HS2ST1: variants seen among roughly 807,000 people sequenced by gnomAD.
HS2ST1 encodes 2-O-sulfotransferase.
HS2ST1 carries 18 observed loss-of-function variants against 42.9 expected under a neutral mutation model. That is an observed-to-expected ratio of 0.42 (90% CI 0.29 to 0.62). The LOEUF (loss-of-function observed/expected upper bound fraction) is 0.62. Among genes scored for constraint, HS2ST1 ranks in the 20% least tolerant of loss-of-function variants. The pLI is 0.21. For synonymous variants in HS2ST1, 146 were observed against 152.9 expected (o/e 0.95, Z 0.33); for missense variants, 334 against 433.8 (o/e 0.77, Z 2.04).
chr1:86,967,103 C>G (rs1648070598), intron 1 of HS2ST1, among the ~76,000 whole-genome samples: 1 of 152,058 alleles, frequency 6.6e-6, no homozygotes, highest in Admixed American at 6.5e-5. Flanking sequence ...GTTGGTCAGG[C>G]TGGTCTCGAA....
intron 1 of HS2ST1, among the ~76,000 whole-genome samples, chr1:86,981,651 A>G (rs1221953426): frequency 6.6e-6 from 1 of 152,248 alleles, no homozygotes; most frequent in African/African-American, 2.4e-5. Flanking sequence ...CATGTCTCAC[A>G]TCCAGGACAC....
intron 2 of HS2ST1, among the ~76,000 whole-genome samples, chr1:87,081,063 A>G (rs1651674285): frequency 1.3e-5 from 2 of 152,224 alleles, no homozygotes; most frequent in Non-Finnish European, 2.9e-5. Context: ...TATATAAAGC[A>G]AATATTACTA....
chr1:86,964,203 A>G lies in HS2ST1; in HGVS notation c.124+49043A>G, dbSNP rs1422330118. Among the ~76,000 whole-genome samples the G allele has an allele frequency of 6.1e-4, 92 of 150,642 alleles. 1 individual carries two copies. The South Asian group carries it at 7.0e-3, about 12-fold the overall frequency. On this transcript the variant is annotated intron_variant, in intron 1 of 6. Coordinates refer to ENST00000370550, the MANE Select transcript of HS2ST1 (RefSeq NM_012262.4). ...CTCACTTCCCAGACGATGGGCGGCCAGGCAAAGACACTCCTCACTTCCCAG... is the reference window on the plus strand; with the variant it reads ...CTCACTTCCCAGACGATGGGCGGCCGGGCAAAGACACTCCTCACTTCCCAG...
chr1:86,932,958 A>G (rs986709360), intron 1 of HS2ST1, among the ~76,000 whole-genome samples: 6 of 152,340 alleles, frequency 3.9e-5, no homozygotes, highest in Admixed American at 6.5e-5. Context: ...TGGTTTCAGA[A>G]CCTTTTAAAA....
chr1:86,980,046 T>C (rs1648533682), intron 1 of HS2ST1, among the ~76,000 whole-genome samples: 1 of 152,236 alleles, frequency 6.6e-6, no homozygotes, highest in Admixed American at 6.5e-5. Context: ...AAAAGCTCAA[T>C]GTATTTGTTA....
rs1423094300 is a variant in HS2ST1 at position 87,054,579 on chromosome 1, A to G, written c.125-18355A>G. 5.3e-5 allele frequency among the ~76,000 whole-genome samples: 8 copies of G among 152,196 alleles called. No homozygotes were observed. In the South Asian group the frequency reaches 1.7e-3, roughly 32 times the overall value. ...CCTGTGTGAAGAAATGGCAAACTAT[A>G]TACCAGCTATTCATGCATTTCTTCC... is the stretch of plus-strand genomic sequence containing the variant. On this transcript the variant is annotated intron_variant, in intron 1 of 6. Coordinates refer to ENST00000370550, the MANE Select transcript of HS2ST1 (RefSeq NM_012262.4).
In HS2ST1 at chr1:87,108,223, G is replaced by C. The variant is rs1424947085; in HGVS notation, c.*3527G>C. 1 of 152,020 alleles carries C rather than the reference G, an allele frequency of 6.6e-6. No homozygotes were observed. Among genetic ancestry groups the C allele is most frequent in the Middle Eastern group, 3.2e-3 (1 of 314 alleles). The allele number at this position is 152,020 out of a possible 1,614,324, so 9.4% of individuals were successfully genotyped here. A position where few individuals can be genotyped will look rare whatever the true frequency, so the allele number is the denominator to read the frequency against. ...TGCTAGAGAATTTAACTAAAAGCTG[G>C]TTCCCAAATGCATAGCTGGCATTTT... On this transcript the variant is annotated 3_prime_UTR_variant, in exon 7 of 7. Coordinates refer to ENST00000370550, the MANE Select transcript of HS2ST1 (RefSeq NM_012262.4).
chr1:87,048,749 G>C (rs919719339), intron 1 of HS2ST1, among the ~76,000 whole-genome samples: 4 of 152,044 alleles, frequency 2.6e-5, no homozygotes, highest in African/African-American at 9.7e-5. Context: ...TGAATACGTG[G>C]TCTTTAGCTT....
At chr1:87,068,880 TG>T (rs1376619139) in intron 1 of HS2ST1, among the ~76,000 whole-genome samples, 1 of 152,070 alleles carries the variant, frequency 6.6e-6, no homozygotes, top group Non-Finnish European at 1.5e-5. Flanking sequence ...TTTTAAGAGA[TG>T]GGGGTCTAGC....
At chr1:86,985,559 C>T (rs1489995419) in intron 1 of HS2ST1, among the ~76,000 whole-genome samples, 1 of 145,748 alleles carries the variant, frequency 6.9e-6, no homozygotes, top group Non-Finnish European at 1.5e-5. Context: ...TATATACACA[C>T]ACACACACAT....
intron 1 of HS2ST1, among the ~76,000 whole-genome samples, chr1:86,923,334 A>G (rs548088075): frequency 6.6e-6 from 1 of 152,204 alleles, no homozygotes; most frequent in South Asian, 2.1e-4. Flanking sequence ...GCAGAAGGCA[A>G]GGAGAAGCAA....
intron 1 of HS2ST1, among the ~76,000 whole-genome samples, chr1:86,999,776 TTTCTAATACACAG>T (rs1363221719): frequency 2.0e-5 from 3 of 152,226 alleles, no homozygotes; most frequent in Non-Finnish European, 4.4e-5. Context: ...TTTCACAGCT[TTTCTAATACACAG>T]TGATTTTTCC....
At chr1:87,017,585 G>T (rs554592208) in intron 1 of HS2ST1, among the ~76,000 whole-genome samples, 4 of 152,266 alleles carry the variant, frequency 2.6e-5, no homozygotes, top group African/African-American at 9.6e-5. Flanking sequence ...AAGACAGCGG[G>T]CACAGTCATT....
At chr1:86,991,757 T>C (rs1367744508) in intron 1 of HS2ST1, among the ~76,000 whole-genome samples, 2 of 152,158 alleles carry the variant, frequency 1.3e-5, no homozygotes, top group East Asian at 1.9e-4. Context: ...CCTCACAGAG[T>C]TGCTGTGTGG....
rs534283221 is a variant in HS2ST1, at chr1:86,914,882, A to C, written c.-155A>C. 4.3e-5 allele frequency: 35 copies of C among 805,646 alleles called. No homozygotes were observed. The African/African-American group carries it at 6.1e-4, about 14-fold the overall frequency. The allele number at this position is 805,646 out of a possible 1,614,324, so 49.9% of individuals were successfully genotyped here. ...ATAGCGCCTGGGGGAGGGGGACTGGAGAGGCGAGAAGGGGGGTCGCTGCGG... is the reference window on the plus strand; with the variant it reads ...ATAGCGCCTGGGGGAGGGGGACTGGCGAGGCGAGAAGGGGGGTCGCTGCGG... On this transcript the variant is annotated 5_prime_UTR_variant, in exon 1 of 7. Transcript: ENST00000370550.
intron 4 of HS2ST1, among the ~76,000 whole-genome samples, chr1:87,093,590 AC>A (rs1353019584): frequency 6.6e-6 from 1 of 152,044 alleles, no homozygotes; most frequent in Non-Finnish European, 1.5e-5. Flanking sequence ...TTACCAGTTT[AC>A]CTACTGTCTT....
chr1:87,100,517 C>G (rs116499066), intron 5 of HS2ST1, among the ~76,000 whole-genome samples: 2,961 of 152,278 alleles, frequency 0.019, 96 homozygotes, highest in African/African-American at 0.068. Context: ...GCCTTTGAGG[C>G]CTTTTTCCCA....
chr1:87,059,171 A>G (rs1651053068), intron 1 of HS2ST1, among the ~76,000 whole-genome samples: 2 of 152,200 alleles, frequency 1.3e-5, no homozygotes, highest in Non-Finnish European at 2.9e-5. Flanking sequence ...ACAGCCTAAA[A>G]TTGCCATACG....
chr1:87,018,218 GA>G (rs899411073), intron 1 of HS2ST1, among the ~76,000 whole-genome samples: 1 of 151,688 alleles, frequency 6.6e-6, no homozygotes, highest in African/African-American at 2.4e-5. Flanking sequence ...ACTGCCCTGG[GA>G]AAATGGAGAT....
Sources: gnomAD v4.1 joint callset for allele counts (sites outside exome capture counted in the v4.1 genomes callset) on GRCh38, gnomAD v4.1.1 for gene constraint, MANE v1.5 for transcripts, NCBI Gene and HGNC (gene_info 2026-07-23, HGNC 2026-07-21) for gene names.